The following SWAP70 variants were observed in gnomAD, a reference collection of about 807,000 sequenced individuals.
SWAP70 encodes the protein switch-associated protein 70.
SWAP70 carries 34 observed loss-of-function variants against 80.2 expected under a neutral mutation model. That is an observed-to-expected ratio of 0.42 (90% CI 0.32 to 0.56). SWAP70 has a LOEUF of 0.56. Ranked by LOEUF, SWAP70 falls within the 20% of genes least tolerant of loss-of-function variation. The pLI is 0.09. For synonymous variants in SWAP70, 239 were observed against 238.5 expected (o/e 1.00, Z -0.02); for missense variants, 578 against 690.7 (o/e 0.84, Z 1.83).
intron 3 of SWAP70, among the ~76,000 whole-genome samples, chr11:9,719,729 T>C (rs1234006920): frequency 6.6e-6 from 1 of 152,214 alleles, no homozygotes; most frequent in Non-Finnish European, 1.5e-5. Context: ...CCTGGAAATA[T>C]GTGCCTGCCA....
chr11:9,742,858 G>A (rs554659095), intron 9 of SWAP70, among the ~76,000 whole-genome samples: 55 of 150,722 alleles, frequency 3.6e-4, no homozygotes, highest in Non-Finnish European at 5.9e-5. Flanking sequence ...CTGTGTAAAA[G>A]GCTGCTCAGT....
intron 1 of SWAP70, among the ~76,000 whole-genome samples, chr11:9,672,210 T>TATATATATAC (rs1850425892): frequency 7.7e-6 from 1 of 130,146 alleles, no homozygotes; most frequent in Non-Finnish European, 1.6e-5. Flanking sequence ...TATATATATA[T>TATATATATAC]ATATATATAT....
At position 9,724,080 on chromosome 11, in the gene SWAP70, C is replaced by G. The variant is rs148989270; in HGVS notation, c.415-578C>G. On this transcript the variant is annotated intron_variant, in intron 3 of 11. Coordinates refer to ENST00000318950, the MANE Select transcript of SWAP70 (RefSeq NM_015055.4). ...TGAGCCACTGCTCCTGGCCTAACTG[C>G]TATTATTTCAATAGCAGTATTTTCT... 9.0e-3 allele frequency among the ~76,000 whole-genome samples: 1,363 copies of G among 152,256 alleles called. 10 individuals are homozygous for G. The highest frequency in any genetic ancestry group is 0.015 in the African/African-American group (631 of 41,550).
At chr11:9,703,904 T>G (rs1419429707) in intron 2 of SWAP70, among the ~76,000 whole-genome samples, 1 of 152,230 alleles carries the variant, frequency 6.6e-6, no homozygotes, top group Non-Finnish European at 1.5e-5. Flanking sequence ...GGAAAGAGTT[T>G]GAGGTTAGAA....
intron 3 of SWAP70, among the ~76,000 whole-genome samples, chr11:9,721,440 A>G (rs1851134057): frequency 6.6e-6 from 1 of 151,096 alleles, no homozygotes; most frequent in Non-Finnish European, 1.5e-5. Flanking sequence ...AATTAAATCA[A>G]TAGACCTTTT....
At chr11:9,694,354 C>T in intron 2 of SWAP70, 68 bp downstream of exon 2, 1 of 1,492,788 alleles carries the variant, frequency 6.7e-7, no homozygotes, top group Non-Finnish European at 9.0e-7. Context: ...GCCCAAAAGC[C>T]CCCTGTTGGT....
chr11:9,697,894 C>T (rs369597519), intron 2 of SWAP70, among the ~76,000 whole-genome samples: 4 of 152,256 alleles, frequency 2.6e-5, no homozygotes, highest in African/African-American at 9.6e-5. Context: ...AAGTAGTCCT[C>T]TTGCCTCAGC....
chr11:9,687,346 G>A (rs1850645283), intron 1 of SWAP70, among the ~76,000 whole-genome samples: 1 of 152,138 alleles, frequency 6.6e-6, no homozygotes, highest in African/African-American at 2.4e-5. Flanking sequence ...CAATCCAAAA[G>A]TTAAAGGTCC....
chr11:9,675,144 G>A (rs1323377751), intron 1 of SWAP70, among the ~76,000 whole-genome samples: 1 of 151,980 alleles, frequency 6.6e-6, no homozygotes, highest in Non-Finnish European at 1.5e-5. Context: ...AAAAGTTAGA[G>A]AGGTATGGTG....
chr11:9,699,188 A>G (rs1850799949), intron 2 of SWAP70, among the ~76,000 whole-genome samples: 1 of 152,158 alleles, frequency 6.6e-6, no homozygotes, highest in Admixed American at 6.5e-5. Context: ...GTGATTACTA[A>G]TGATCTTGGG....
At chr11:9,704,308 C>T (rs1164883242) in intron 2 of SWAP70, among the ~76,000 whole-genome samples, 2 of 151,814 alleles carry the variant, frequency 1.3e-5, no homozygotes, top group Non-Finnish European at 2.9e-5. Flanking sequence ...GCTTTAGATG[C>T]TTCTTGGGAC....
intron 3 of SWAP70, among the ~76,000 whole-genome samples, chr11:9,715,547 A>G (rs756455576): frequency 1.6e-4 from 25 of 152,190 alleles, no homozygotes; most frequent in Non-Finnish European, 3.5e-4. Flanking sequence ...GGCAATTTAT[A>G]TAAGAAAGAG....
chr11:9,703,322 T>A, intron 2 of SWAP70: 1 of 455,884 alleles, frequency 2.2e-6, no homozygotes, highest in Non-Finnish European at 4.4e-6. Flanking sequence ...ATTTACATAT[T>A]CAGTTCATCA....
chr11:9,728,733 G>T (rs11042486), intron 5 of SWAP70, among the ~76,000 whole-genome samples: 33,880 of 152,124 alleles, frequency 0.22, 5,036 homozygotes, highest in Non-Finnish European at 0.32. Context: ...CCCCGTGTCT[G>T]TATGTGTTGA....
At chr11:9,710,387 T>C (rs1021834836) in intron 2 of SWAP70, among the ~76,000 whole-genome samples, 4 of 152,092 alleles carry the variant, frequency 2.6e-5, no homozygotes, top group Admixed American at 1.3e-4. Context: ...TTGTATTTGA[T>C]GGGGCCGTGG....
chr11:9,749,481 C>T (rs1427943364), intron 11 of SWAP70, among the ~76,000 whole-genome samples: 2 of 152,132 alleles, frequency 1.3e-5, no homozygotes, highest in South Asian at 2.1e-4. Context: ...CTCCTGACCT[C>T]GTGATCCGCC....
chr11:9,733,917 A>G (rs903263199), intron 7 of SWAP70, among the ~76,000 whole-genome samples: 10 of 152,338 alleles, frequency 6.6e-5, no homozygotes, highest in South Asian at 4.1e-4. Flanking sequence ...GTGAATACCC[A>G]TGAAAATACT....
chr11:9,735,689 T>G (rs1851354563), intron 7 of SWAP70, among the ~76,000 whole-genome samples: 1 of 152,234 alleles, frequency 6.6e-6, no homozygotes, highest in African/African-American at 2.4e-5. Context: ...GTACTTCTAT[T>G]GATAATATCT....
At chr11:9,714,891 C>T (rs1190502742) in intron 3 of SWAP70, among the ~76,000 whole-genome samples, 2 of 148,188 alleles carry the variant, frequency 1.3e-5, no homozygotes, top group Non-Finnish European at 3.0e-5. Context: ...CGGCTTATTG[C>T]AGCCTCCACC....
Sources: allele counts gnomAD v4.1 joint callset (sites outside exome capture counted in the v4.1 genomes callset), GRCh38; gene constraint gnomAD v4.1.1; transcripts MANE v1.5; gene names NCBI Gene and HGNC (gene_info 2026-07-23, HGNC 2026-07-21).